The following RIMS1 variants were observed in gnomAD, a reference collection of about 807,000 sequenced individuals.
RIMS1 encodes regulating synaptic membrane exocytosis protein 1.
Under a neutral mutation model 214.1 loss-of-function variants are expected in RIMS1, and 83 were observed. That is an observed-to-expected ratio of 0.39 (90% CI 0.32 to 0.47). The LOEUF is 0.47. RIMS1 is among the 20% of genes least tolerant of loss of function. The pLI, the probability that RIMS1 is intolerant of heterozygous loss-of-function variation, is 0.99. For missense variants in RIMS1, 2,050 were observed against 2,161.8 expected, an observed-to-expected ratio of 0.95 and a Z score of 1.03; for synonymous variants, 793 against 786.8, an observed-to-expected ratio of 1.01 and a Z score of -0.13.
At chr6:72,212,875 G>C in intron 6 of RIMS1, 1 of 1,174,136 alleles carries the variant, frequency 8.5e-7, no homozygotes, top group Non-Finnish European at 1.1e-6. Flanking sequence ...TTTTATCCAA[G>C]CAGTCCTTTG....
At chr6:72,213,003 A>C (rs2154008592) in intron 6 of RIMS1, 2 of 1,481,530 alleles carry the variant, frequency 1.3e-6, no homozygotes, top group Admixed American at 4.5e-5. Context: ...TCAATGATAT[A>C]AGCAGAGTGA....
intron 4 of RIMS1, among the ~76,000 whole-genome samples, chr6:72,102,188 A>C (rs1315479453): frequency 6.6e-6 from 1 of 151,946 alleles, no homozygotes; most frequent in Non-Finnish European, 1.5e-5. Flanking sequence ...AATCCTGCAA[A>C]CTTAATTCCT....
At chr6:72,085,656 G>A (rs1562277151) in intron 2 of RIMS1, among the ~76,000 whole-genome samples, 4 of 152,020 alleles carry the variant, frequency 2.6e-5, no homozygotes, top group Admixed American at 1.3e-4. Context: ...TGGATAATTT[G>A]CACCAGAACT....
chr6:72,016,496 T>A (rs1350754006), intron 2 of RIMS1, among the ~76,000 whole-genome samples: 3 of 152,192 alleles, frequency 2.0e-5, no homozygotes, highest in Admixed American at 6.5e-5. Flanking sequence ...AGGAATGGAA[T>A]AAGTGAAAGT....
intron 1 of RIMS1, among the ~76,000 whole-genome samples, chr6:71,962,337 C>A (rs1295309303): frequency 6.6e-6 from 1 of 152,052 alleles, no homozygotes; most frequent in Non-Finnish European, 1.5e-5. Context: ...AATTTCCTGG[C>A]CTCTTCAGGG....
chr6:72,145,288 C>T (rs978539733), intron 4 of RIMS1, among the ~76,000 whole-genome samples: 13 of 152,054 alleles, frequency 8.5e-5, no homozygotes, highest in Non-Finnish European at 1.5e-4. Flanking sequence ...CTTGATGTCC[C>T]CAAGATAACT....
intron 4 of RIMS1, among the ~76,000 whole-genome samples, chr6:72,161,522 T>C (rs2045408284): frequency 7.1e-6 from 1 of 140,598 alleles, no homozygotes; most frequent in Admixed American, 7.3e-5. Context: ...CTTGTGGGCA[T>C]TTAGTGCTAT....
At chr6:72,019,847 A>C (rs1023465177) in intron 2 of RIMS1, among the ~76,000 whole-genome samples, 5 of 152,134 alleles carry the variant, frequency 3.3e-5, no homozygotes, top group African/African-American at 9.7e-5. Context: ...CCACATAGGC[A>C]TGTGAATTTA....
chr6:72,162,974 G>A lies in RIMS1; in HGVS notation c.472-16601G>A, dbSNP rs1379951972. Among the ~76,000 whole-genome samples, 4 of 133,554 alleles carry A rather than the reference G, an allele frequency of 3.0e-5. 1 individual carries two copies. Among genetic ancestry groups the A allele is most frequent in the Admixed American group, 1.5e-4 (2 of 13,222 alleles). 87.6% of individuals were successfully genotyped at this position (133,554 alleles called of 152,430 possible). A position where few individuals can be genotyped will look rare whatever the true frequency, so the allele number is the denominator to read the frequency against. ...GGGAAGTTCTCCTGGATAATATCCT[G>A]CAGAGTGTTTTCCAACTTGGTTCCA... On this transcript the variant is annotated intron_variant, in intron 4 of 33. Coordinates refer to ENST00000521978, the MANE Select transcript of RIMS1 (RefSeq NM_014989.7).
chr6:71,950,285 T>A (rs1380848828), intron 1 of RIMS1, among the ~76,000 whole-genome samples: 1 of 152,114 alleles, frequency 6.6e-6, no homozygotes, highest in Non-Finnish European at 1.5e-5. Flanking sequence ...TTTACTATGG[T>A]GATGGCTACA....
intron 1 of RIMS1, among the ~76,000 whole-genome samples, chr6:71,940,115 T>G (rs1413171385): frequency 2.6e-5 from 4 of 152,190 alleles, no homozygotes; most frequent in African/African-American, 7.2e-5. Flanking sequence ...CAAGTTATAA[T>G]GATCATTCTT....
At chr6:72,165,224 T>A in intron 4 of RIMS1, among the ~76,000 whole-genome samples, 2 of 152,354 alleles carry the variant, frequency 1.3e-5, no homozygotes, top group South Asian at 4.1e-4. Context: ...TGATCTTATA[T>A]TCTGTTTTGT....
At chr6:72,166,233 C>T (rs2463744) in intron 4 of RIMS1, among the ~76,000 whole-genome samples, 104,972 of 151,226 alleles carry the variant, frequency 0.69, 36,864 homozygotes, top group East Asian at 0.84. Context: ...CACACATACA[C>T]AGTGAGAGAG....
Position 72,260,720 on chromosome 6 carries a change from G to C in RIMS1, c.3069G>C (p.Leu1023=). ...LSEQDSELLM[L]PRAKRGRSAE... is the part of the protein sequence containing the mutation. ...GTCTGTGCAGTGAGCTTCTTATGCT[G>C]CCCAGAGCAAAACGAGGACGAAGTG... The change falls in exon 19 of 34, where the codon CTG becomes CTC. Residue 1023 remains leucine (L), a synonymous_variant. Coordinates refer to ENST00000521978, the MANE Select transcript of RIMS1 (RefSeq NM_014989.7). The C allele has an allele frequency of 6.2e-7, 1 of 1,612,274 alleles. No individual in the cohort carries two copies. The highest frequency in any genetic ancestry group is 8.5e-7 in the Non-Finnish European group (1 of 1,178,948).
At chr6:72,316,631 C>G in intron 28 of RIMS1, 1 of 487,114 alleles carries the variant, frequency 2.1e-6, no homozygotes, top group Non-Finnish European at 4.0e-6. Context: ...CAGCCTGGAG[C>G]AGGAGCCACC....
At chr6:72,226,467 G>A (rs1393435975) in intron 6 of RIMS1, among the ~76,000 whole-genome samples, 2 of 151,570 alleles carry the variant, frequency 1.3e-5, no homozygotes, top group Non-Finnish European at 2.9e-5. Flanking sequence ...CATTATCTAC[G>A]GTATTTCATG....
At chr6:72,206,437 C>T (rs944802023) in intron 6 of RIMS1, among the ~76,000 whole-genome samples, 9 of 152,120 alleles carry the variant, frequency 5.9e-5, no homozygotes, top group Non-Finnish European at 1.3e-4. Flanking sequence ...TTTCAATATT[C>T]ACATAAATAG....
intron 28 of RIMS1, among the ~76,000 whole-genome samples, chr6:72,322,682 AAGG>A (rs372286686): frequency 2.0e-4 from 30 of 152,206 alleles, no homozygotes; most frequent in African/African-American, 6.5e-4. Flanking sequence ...CAATTTTTGA[AAGG>A]AGGGGAAAAC....
intron 6 of RIMS1, among the ~76,000 whole-genome samples, chr6:72,220,992 C>T (rs1282275187): frequency 6.6e-6 from 1 of 151,976 alleles, no homozygotes; most frequent in Admixed American, 6.6e-5. Context: ...ATAAGGGGCT[C>T]TAAAACATCT....
Sources: allele counts gnomAD v4.1 joint callset (sites outside exome capture counted in the v4.1 genomes callset), GRCh38; gene constraint gnomAD v4.1.1; transcripts MANE v1.5; gene names NCBI Gene and HGNC (gene_info 2026-07-23, HGNC 2026-07-21).